Variants in ANKAR observed in about 807,000 individuals in gnomAD.
ANKAR encodes the protein ankyrin and armadillo repeat-containing protein.
ANKAR carries 136 observed loss-of-function variants against 146.2 expected under a neutral mutation model. The observed-to-expected ratio is 0.93, with a 90% CI of 0.81 to 1.07. ANKAR has a LOEUF of 1.07. Ranked by LOEUF, ANKAR falls within the 50% of genes least tolerant of loss-of-function variation. ANKAR has a pLI of 0.00. For missense variants in ANKAR, 1,567 were observed against 1,679.9 expected (o/e 0.93, Z 1.18); for synonymous variants, 500 against 575.8 (o/e 0.87, Z 1.88).
chr2:189,746,903 G>T (rs1017511110), downstream of ANKAR: 6 of 213,332 alleles, frequency 2.8e-5, no homozygotes, highest in Admixed American at 5.7e-5. Flanking sequence ...TATATATCAA[G>T]AGTTAACATT....
chr2:189,713,681 G>A (rs1167901084), intron 10 of ANKAR, among the ~76,000 whole-genome samples: 7 of 152,158 alleles, frequency 4.6e-5, no homozygotes, highest in Non-Finnish European at 7.3e-5. Flanking sequence ...AAAGACCATC[G>A]ATGCTAGGAA....
At chr2:189,683,436 G>A (rs1392087720) in intron 2 of ANKAR, among the ~76,000 whole-genome samples, 1 of 152,194 alleles carries the variant, frequency 6.6e-6, no homozygotes, top group South Asian at 2.1e-4. Context: ...TAATCCTGTG[G>A]TGCACTTGAG....
At chr2:189,675,454 C>T (rs2033424764) in intron 1 of ANKAR, among the ~76,000 whole-genome samples, 1 of 151,948 alleles carries the variant, frequency 6.6e-6, no homozygotes, top group African/African-American at 2.4e-5. Flanking sequence ...CTGGGTTCAG[C>T]CTCCTGTCTC....
chr2:189,691,579 C>T (rs148288402), intron 3 of ANKAR, among the ~76,000 whole-genome samples: 9 of 151,776 alleles, frequency 5.9e-5, no homozygotes, highest in Non-Finnish European at 1.3e-4. Context: ...ATCTTGAGCT[C>T]ACTTACAATA....
chr2:189,762,912 G>T, downstream of ANKAR: 2 of 985,396 alleles, frequency 2.0e-6, no homozygotes, highest in South Asian at 9.4e-5. Flanking sequence ...GTGCGCACCT[G>T]CATTTCCCCC....
chr2:189,730,347 AAAATAGT>A, intron 15 of ANKAR, 141 bp from the exon 16 acceptor site: 1 of 395,188 alleles, frequency 2.5e-6, no homozygotes, highest in Non-Finnish European at 4.5e-6. Flanking sequence ...CAGGACTATT[AAAATAGT>A]GTCAATATAG....
Position 189,689,764 on chromosome 2 carries a change from T to G in ANKAR, c.839T>G (p.Leu280Arg), listed in dbSNP as rs1369386349. 1 of 1,612,380 alleles carries G rather than the reference T, an allele frequency of 6.2e-7. No homozygotes were observed. The highest frequency in any genetic ancestry group is 8.5e-7 in the Non-Finnish European group (1 of 1,178,864). The change falls in exon 3 of 23, where the codon CTT becomes CGT. Residue 280 changes from leucine (L) to arginine (R), a missense_variant. Coordinates refer to ENST00000684021, the MANE Select transcript of ANKAR (RefSeq NM_001378068.1). ...TNAIKYNQDY[L>R]DICTYQRLQQ... The stretch of plus-strand genomic sequence containing the variant: ...GCTATAAAATATAATCAGGATTATC[T>G]TGATATCTGTACCTACCAGAGACTA...
downstream of ANKAR, chr2:189,761,242 T>C: frequency 1.9e-6 from 1 of 524,204 alleles, no homozygotes; most frequent in South Asian, 3.8e-5. Context: ...TGGGACCTTA[T>C]TGTGAAGACC....
intron 2 of ANKAR, among the ~76,000 whole-genome samples, chr2:189,688,993 G>A (rs1327204144): frequency 1.3e-5 from 2 of 152,142 alleles, no homozygotes; most frequent in Non-Finnish European, 2.9e-5. Context: ...TTGGTGAACG[G>A]GCCGTAATTC....
intron 18 of ANKAR, among the ~76,000 whole-genome samples, chr2:189,756,395 C>T (rs769580365): frequency 6.6e-6 from 1 of 152,090 alleles, no homozygotes; most frequent in Non-Finnish European, 1.5e-5. Context: ...GTCTGCAAAA[C>T]GCACTGCTAG....
At chr2:189,760,876 A>G (rs1490794892) in intron 18 of ANKAR, among the ~76,000 whole-genome samples, 1 of 152,168 alleles carries the variant, frequency 6.6e-6, no homozygotes, top group African/African-American at 2.4e-5. Context: ...GCATTCCCAC[A>G]TGACAACTGG....
chr2:189,712,008 A>C (rs369361111), intron 10 of ANKAR, among the ~76,000 whole-genome samples: 11 of 152,100 alleles, frequency 7.2e-5, no homozygotes, highest in African/African-American at 2.4e-4. Flanking sequence ...CGGCAGTCTG[A>C]GATTGACCTG....
At chr2:189,762,226 A>G (rs937530200), downstream of ANKAR, among the ~76,000 whole-genome samples, 3 of 152,218 alleles carry the variant, frequency 2.0e-5, no homozygotes, top group Admixed American at 6.5e-5. Flanking sequence ...AGGTTTTGTC[A>G]TAACAAGGAT....
At chr2:189,719,864 A>G (rs1385944806) in intron 11 of ANKAR, 51 bp downstream of exon 11, 5 of 1,485,212 alleles carry the variant, frequency 3.4e-6, no homozygotes, top group East Asian at 4.6e-5. Flanking sequence ...ACTCCCTCAT[A>G]TAGAAGTTAC....
intron 9 of ANKAR, among the ~76,000 whole-genome samples, chr2:189,709,407 AC>A (rs1437388949): frequency 2.0e-5 from 3 of 152,194 alleles, no homozygotes; most frequent in Non-Finnish European, 4.4e-5. Flanking sequence ...AAGAGTCCAA[AC>A]CGATTGTATA....
chr2:189,683,503 G>T (rs1309333713), intron 2 of ANKAR, among the ~76,000 whole-genome samples: 2 of 152,172 alleles, frequency 1.3e-5, no homozygotes, highest in Non-Finnish European at 2.9e-5. Context: ...TAAAAATGTG[G>T]TCTGAAAGGA....
chr2:189,677,806 T>C (rs2033976998), intron 2 of ANKAR, among the ~76,000 whole-genome samples: 1 of 152,158 alleles, frequency 6.6e-6, no homozygotes, highest in Non-Finnish European at 1.5e-5. Context: ...CCACTGCACC[T>C]GGCCACCACG....
intron 4 of ANKAR, 43 bp downstream of exon 4, chr2:189,692,461 C>T (rs745957588): frequency 6.4e-7 from 1 of 1,554,886 alleles, no homozygotes; most frequent in South Asian, 1.2e-5. Context: ...TTTCACAACT[C>T]TTTTATCCTA....
chr2:189,736,499 G>GTTTTTTTT (rs71938893), intron 17 of ANKAR, among the ~76,000 whole-genome samples: 1,872 of 113,650 alleles, frequency 0.016, 276 homozygotes, highest in Non-Finnish European at 0.021. Context: ...AGGTGACTGG[G>GTTTTTTTT]TTTTGTGTGT....
Sources: gnomAD v4.1 joint callset for allele counts (sites outside exome capture counted in the v4.1 genomes callset) on GRCh38, gnomAD v4.1.1 for gene constraint, MANE v1.5 for transcripts, NCBI Gene and HGNC (gene_info 2026-07-23, HGNC 2026-07-21) for gene names.